Variants in SBF2 observed in about 807,000 individuals in gnomAD.
SBF2 encodes the protein SET binding factor 2.
A neutral mutation model predicts 225.2 loss-of-function variants in SBF2; 112 were observed. That is an observed-to-expected ratio of 0.50 (90% CI 0.43 to 0.58). The LOEUF (loss-of-function observed/expected upper bound fraction) is 0.58. Among genes scored for constraint, SBF2 ranks in the 20% least tolerant of loss-of-function variants. The pLI is 0.00. For synonymous variants in SBF2, 763 were observed against 773.3 expected, an observed-to-expected ratio of 0.99 and a Z score of 0.22; for missense variants, 1,996 against 2,206.2, an observed-to-expected ratio of 0.90 and a Z score of 1.91.
chr11:10,229,612 G>C (rs1409903392), intron 1 of SBF2, among the ~76,000 whole-genome samples: 9 of 152,200 alleles, frequency 5.9e-5, no homozygotes, highest in Non-Finnish European at 1.2e-4. Context: ...TTTCCATGTA[G>C]TTGAGTGGTT....
intron 2 of SBF2, among the ~76,000 whole-genome samples, chr11:10,112,187 A>G (rs1952900665): frequency 6.6e-6 from 1 of 152,240 alleles, no homozygotes; most frequent in Non-Finnish European, 1.5e-5. Flanking sequence ...GCAAAAGAAC[A>G]AGAACTGAGA....
At chr11:9,876,288 T>C (rs1483205471) in intron 17 of SBF2, among the ~76,000 whole-genome samples, 1 of 152,212 alleles carries the variant, frequency 6.6e-6, no homozygotes, top group Non-Finnish European at 1.5e-5. Flanking sequence ...CAAGGGCCTA[T>C]TCAGATGATA....
At chr11:10,150,404 A>T (rs938986070) in intron 2 of SBF2, among the ~76,000 whole-genome samples, 29 of 152,156 alleles carry the variant, frequency 1.9e-4, no homozygotes, top group African/African-American at 6.0e-4. Context: ...TTCATTCCTG[A>T]CCAAATGTCA....
intron 6 of SBF2, among the ~76,000 whole-genome samples, chr11:10,023,300 A>G (rs1948927895): frequency 6.6e-6 from 1 of 152,182 alleles, no homozygotes; most frequent in Admixed American, 6.5e-5. Flanking sequence ...CTCAAATTCT[A>G]TCATCTTAGA....
chr11:9,797,924 A>G (rs892311628), intron 32 of SBF2, among the ~76,000 whole-genome samples: 1 of 152,098 alleles, frequency 6.6e-6, no homozygotes, highest in African/African-American at 2.4e-5. Context: ...GTGGAGCCAC[A>G]ATTGTGCCAC....
At chr11:9,911,717 T>C (rs1862633179) in intron 16 of SBF2, among the ~76,000 whole-genome samples, 1 of 152,214 alleles carries the variant, frequency 6.6e-6, no homozygotes, top group Non-Finnish European at 1.5e-5. Context: ...TTCACGGTAA[T>C]TGTCCTATAC....
intron 17 of SBF2, among the ~76,000 whole-genome samples, chr11:9,894,342 C>A (rs865845176): frequency 8.7e-4 from 133 of 152,198 alleles, no homozygotes; most frequent in African/African-American, 3.0e-3. Flanking sequence ...CACGGTGAAA[C>A]CCTGTCTCTA....
chr11:9,826,778 C>T (rs1855095284), intron 28 of SBF2, among the ~76,000 whole-genome samples: 1 of 150,892 alleles, frequency 6.6e-6, no homozygotes, highest in Non-Finnish European at 1.5e-5. Flanking sequence ...TATATATATA[C>T]ACACACACTT....
At chr11:10,283,002 A>G (rs1436709822) in intron 1 of SBF2, among the ~76,000 whole-genome samples, 1 of 152,164 alleles carries the variant, frequency 6.6e-6, no homozygotes, top group Non-Finnish European at 1.5e-5. Flanking sequence ...TATGCCTATA[A>G]TCTCCTCTAT....
chr11:10,188,822 A>G lies in SBF2; in HGVS notation c.141+5080T>C, dbSNP rs192970911. 5.2e-3 allele frequency among the ~76,000 whole-genome samples: 794 copies of G among 152,248 alleles called. 8 individuals are homozygous for G. Among genetic ancestry groups the G allele is most frequent in the Non-Finnish European group, 8.2e-3 (556 of 68,016 alleles). ...ACCAAAAATATGAGCTCAAACCACC[A>G]TTTTCTAGCTTAAACTCCATTTATA... On this transcript the variant is annotated intron_variant, in intron 2 of 39. Transcript: ENST00000256190.
At chr11:10,181,824 C>T (rs750801976) in intron 2 of SBF2, among the ~76,000 whole-genome samples, 1 of 152,054 alleles carries the variant, frequency 6.6e-6, no homozygotes, top group Non-Finnish European at 1.5e-5. Flanking sequence ...GTAGATACAG[C>T]CATATCATTG....
intron 16 of SBF2, among the ~76,000 whole-genome samples, chr11:9,936,215 T>C (rs7945547): frequency 0.29 from 43,638 of 152,114 alleles, 7,381 homozygotes; most frequent in African/African-American, 0.48. Flanking sequence ...CTCATCATCA[T>C]TGGTCATCAG....
chr11:9,805,911 A>G (rs6483732), intron 32 of SBF2, among the ~76,000 whole-genome samples: 46,416 of 152,102 alleles, frequency 0.31, 7,745 homozygotes, highest in Middle Eastern at 0.48. Context: ...GTGAGCCACC[A>G]CGCCCGACCA....
chr11:10,258,122 T>G (rs980722454), intron 1 of SBF2, among the ~76,000 whole-genome samples: 31 of 151,042 alleles, frequency 2.1e-4, no homozygotes, highest in African/African-American at 7.3e-4. Flanking sequence ...TTTTTTTTTT[T>G]TGAGACAGGA....
At chr11:10,198,960 C>T (rs1957477966) in intron 1 of SBF2, among the ~76,000 whole-genome samples, 1 of 152,212 alleles carries the variant, frequency 6.6e-6, no homozygotes, top group African/African-American at 2.4e-5. Context: ...ACCACTCAGA[C>T]TCCATATCAG....
intron 2 of SBF2, among the ~76,000 whole-genome samples, chr11:10,148,118 C>T (rs1306997001): frequency 1.3e-5 from 2 of 152,076 alleles, no homozygotes; most frequent in African/African-American, 4.8e-5. Context: ...TTGTGCTTTA[C>T]TATATAATAC....
chr11:9,818,686 C>T (rs4910507), intron 28 of SBF2, among the ~76,000 whole-genome samples: 44,874 of 151,994 alleles, frequency 0.3, 7,547 homozygotes, highest in African/African-American at 0.46. Context: ...AGACCAGTTC[C>T]CAAGAAAAGT....
intron 33 of SBF2, among the ~76,000 whole-genome samples, chr11:9,793,165 C>A (rs1564858261): frequency 6.6e-6 from 1 of 152,012 alleles, no homozygotes; most frequent in Non-Finnish European, 1.5e-5. Flanking sequence ...TCAATATATA[C>A]CAAACATATC....
chr11:10,218,746 A>G (rs554956378), intron 1 of SBF2, among the ~76,000 whole-genome samples: 2 of 152,306 alleles, frequency 1.3e-5, no homozygotes, highest in East Asian at 3.9e-4. Context: ...AAACTGGCCA[A>G]AACGAAAGGG....
Sources: gnomAD v4.1 joint callset for allele counts (sites outside exome capture counted in the v4.1 genomes callset) on GRCh38, gnomAD v4.1.1 for gene constraint, MANE v1.5 for transcripts, NCBI Gene and HGNC (gene_info 2026-07-23, HGNC 2026-07-21) for gene names.